The following PRKCA variants were observed in gnomAD, a reference collection of about 807,000 sequenced individuals.
PRKCA encodes protein kinase C alpha.
Under a neutral mutation model 87.0 loss-of-function variants are expected in PRKCA, and 27 were observed. That is an observed-to-expected ratio of 0.31 (90% CI 0.23 to 0.43). PRKCA has a LOEUF of 0.43. PRKCA is among the 20% of genes least tolerant of loss of function. PRKCA has a pLI of 1.00. For missense variants in PRKCA, 518 were observed against 852.3 expected (o/e 0.61, Z 4.88); for synonymous variants, 329 against 311.1 (o/e 1.06, Z -0.61).
chr17:66,574,822 T>G (rs1162136613), intron 3 of PRKCA, among the ~76,000 whole-genome samples: 1 of 152,108 alleles, frequency 6.6e-6, no homozygotes, highest in Non-Finnish European at 1.5e-5. Flanking sequence ...CATTAATATG[T>G]CTGATCCATT....
At chr17:66,425,816 T>G (rs1404955742) in intron 2 of PRKCA, among the ~76,000 whole-genome samples, 2 of 152,148 alleles carry the variant, frequency 1.3e-5, no homozygotes, top group African/African-American at 4.8e-5. Flanking sequence ...CATTAAATTG[T>G]GGAAGCAGGA....
intron 3 of PRKCA, among the ~76,000 whole-genome samples, chr17:66,581,846 G>GTAAATGTTTACTTA (rs1424117532): frequency 4.6e-5 from 7 of 152,088 alleles, no homozygotes; most frequent in Non-Finnish European, 8.8e-5. Flanking sequence ...AGTAAATATG[G>GTAAATGTTTACTTA]GCAACATGGT....
chr17:66,800,640 G>A (rs1471060933), intron 16 of PRKCA, among the ~76,000 whole-genome samples: 4 of 152,154 alleles, frequency 2.6e-5, no homozygotes, highest in South Asian at 2.1e-4. Context: ...TTTTGGAAAC[G>A]TCCCATTGGA....
chr17:66,706,374 G>A (rs1973191749), intron 8 of PRKCA, among the ~76,000 whole-genome samples: 1 of 152,046 alleles, frequency 6.6e-6, no homozygotes, highest in African/African-American at 2.4e-5. Context: ...GGTGGCTCAC[G>A]CCTATAATCC....
intron 8 of PRKCA, among the ~76,000 whole-genome samples, chr17:66,705,457 T>C (rs1312356062): frequency 6.6e-6 from 1 of 152,178 alleles, no homozygotes; most frequent in Admixed American, 6.5e-5. Context: ...ATGCTTTCAG[T>C]TTAATTTGTC....
chr17:66,380,728 T>C (rs983929750), intron 2 of PRKCA, among the ~76,000 whole-genome samples: 2 of 152,202 alleles, frequency 1.3e-5, no homozygotes, highest in Non-Finnish European at 2.9e-5. Flanking sequence ...TTGTAATTAC[T>C]TAAATTCAGA....
intron 16 of PRKCA, among the ~76,000 whole-genome samples, chr17:66,794,883 C>G (rs1975631406): frequency 1.3e-5 from 2 of 152,192 alleles, no homozygotes; most frequent in South Asian, 4.2e-4. Flanking sequence ...CTCGGCCTCC[C>G]AAAGTGCTGA....
chr17:66,414,376 C>T (rs1365953502), intron 2 of PRKCA, among the ~76,000 whole-genome samples: 3 of 152,194 alleles, frequency 2.0e-5, no homozygotes, highest in African/African-American at 7.2e-5. Flanking sequence ...GCCTCCCTCC[C>T]GCTTTGCCTT....
chr17:66,470,378 G>A (rs79313272), intron 2 of PRKCA, among the ~76,000 whole-genome samples: 9,068 of 105,084 alleles, frequency 0.086, 960 homozygotes, highest in African/African-American at 0.3. Flanking sequence ...GGCACCCCCC[G>A]CCACCATGCC....
At chr17:66,596,151 T>C (rs991058338) in intron 3 of PRKCA, among the ~76,000 whole-genome samples, 1 of 152,174 alleles carries the variant, frequency 6.6e-6, no homozygotes, top group African/African-American at 2.4e-5. Flanking sequence ...TAGCAGGTGG[T>C]TGTGGTGCCT....
chr17:66,618,259 G>A (rs923062262), intron 3 of PRKCA, among the ~76,000 whole-genome samples: 3 of 151,844 alleles, frequency 2.0e-5, no homozygotes, highest in Non-Finnish European at 4.4e-5. Context: ...GGAGGCTGAG[G>A]TGGGAGAATT....
chr17:66,563,720 T>C (rs1968785446), intron 3 of PRKCA, among the ~76,000 whole-genome samples: 1 of 152,212 alleles, frequency 6.6e-6, no homozygotes, highest in Non-Finnish European at 1.5e-5. Context: ...TGCTGACCTG[T>C]GTGGTTCAGT....
chr17:66,437,730 T>TTTTTTTTTTG (rs1483549268), intron 2 of PRKCA, among the ~76,000 whole-genome samples: 2 of 43,364 alleles, frequency 4.6e-5, no homozygotes, highest in Admixed American at 3.9e-4. Flanking sequence ...CTTTTTTTTT[T>TTTTTTTTTTG]TGAGCGGGGG....
intron 13 of PRKCA, among the ~76,000 whole-genome samples, chr17:66,765,447 TATATATATCCATATATATAC>T (rs2144311414): frequency 1.4e-5 from 2 of 139,634 alleles, no homozygotes; most frequent in South Asian, 4.5e-4. Flanking sequence ...TATATATATA[TATATATATCCATATATATAC>T]ATATTTGTCC....
chr17:66,306,043 G>T, intron 1 of PRKCA, 53 bp from the exon 2 acceptor site: 1 of 1,546,320 alleles, frequency 6.5e-7, no homozygotes. Flanking sequence ...TTTAAAATAT[G>T]CTATCCAACA....
intron 14 of PRKCA, chr17:66,774,682 CTG>C (rs1260975132): frequency 5.1e-6 from 5 of 986,492 alleles, no homozygotes; most frequent in East Asian, 2.3e-4. Flanking sequence ...TATCTTAAAA[CTG>C]GGGTTGGGTT....
chr17:66,769,327 G>A (rs1266435167), intron 13 of PRKCA, among the ~76,000 whole-genome samples: 5 of 150,518 alleles, frequency 3.3e-5, no homozygotes, highest in African/African-American at 1.2e-4. Context: ...CTGCCTTCCA[G>A]CCTGGGCAGC....
At position 66,771,041 on chromosome 17, in the gene PRKCA, T is replaced by C. The variant is rs560290372; in HGVS notation, c.1525-2946T>C. 1.1e-4 allele frequency among the ~76,000 whole-genome samples: 16 copies of C among 151,252 alleles called. No homozygotes were observed. In the East Asian group the frequency reaches 3.1e-3, roughly 29 times the overall value. On this transcript the variant is annotated intron_variant, in intron 13 of 16. Transcript: ENST00000413366. Reference sequence around the variant, plus strand: ...TTTTTTGAGACAGCATCTCACTCTGTCGCCCAGGCTGGAGTGCAGTGGGGG... The same window carrying C: ...TTTTTTGAGACAGCATCTCACTCTGCCGCCCAGGCTGGAGTGCAGTGGGGG...
At chr17:66,448,911 C>T (rs1020041016) in intron 2 of PRKCA, among the ~76,000 whole-genome samples, 5 of 149,818 alleles carry the variant, frequency 3.3e-5, no homozygotes, top group African/African-American at 1.2e-4. Context: ...GTCAGTCTTG[C>T]TCAACTTTTT....
Sources: gnomAD v4.1 joint callset for allele counts (sites outside exome capture counted in the v4.1 genomes callset) on GRCh38, gnomAD v4.1.1 for gene constraint, MANE v1.5 for transcripts, NCBI Gene and HGNC (gene_info 2026-07-23, HGNC 2026-07-21) for gene names.